ATG10: variants seen among roughly 807,000 people sequenced by gnomAD.
ATG10 encodes the protein ubiquitin-like-conjugating enzyme ATG10.
In ATG10, 30 loss-of-function variants were observed where a neutral mutation model predicts 32.1. The observed-to-expected ratio is 0.94, with a 90% confidence interval of 0.70 to 1.27. ATG10 has a LOEUF of 1.27. Among genes scored for constraint, ATG10 ranks in the 50% most tolerant of loss-of-function variants. ATG10 has a pLI of 0.00. For missense variants in ATG10, 233 were observed against 262.3 expected (o/e 0.89, Z 0.77); for synonymous variants, 87 against 91.5 (o/e 0.95, Z 0.28).
At chr5:82,242,792 T>C in intron 5 of ATG10, 1 of 447,410 alleles carries the variant, frequency 2.2e-6, no homozygotes, top group South Asian at 1.6e-5. Context: ...ATTTACTACC[T>C]ACAGATCTTC....
chr5:82,119,920 A>G (rs748582527), intron 3 of ATG10, among the ~76,000 whole-genome samples: 12 of 152,126 alleles, frequency 7.9e-5, no homozygotes, highest in Non-Finnish European at 1.8e-4. Context: ...CAACAACAAC[A>G]AACCCTTTTC....
chr5:81,992,431 A>C (rs1038963056), intron 2 of ATG10: 1 of 151,560 alleles, frequency 6.6e-6, no homozygotes, highest in Non-Finnish European at 1.5e-5. Flanking sequence ...TTTGAGACGA[A>C]GTCTCTGTCA....
At chr5:82,068,236 A>G (rs899272500) in intron 3 of ATG10, among the ~76,000 whole-genome samples, 25 of 152,150 alleles carry the variant, frequency 1.6e-4, no homozygotes, top group African/African-American at 5.1e-4. Context: ...GGATGAGTTC[A>G]TGTCCTTTGC....
In ATG10 at chr5:82,254,816, C is replaced by T. The variant is rs1369471585; in HGVS notation, c.*753C>T. On this transcript the variant is annotated 3_prime_UTR_variant, in exon 8 of 8. Transcript: ENST00000282185. ...AACTGGTGTTATAAACATGACCTAT[C>T]TTAAGTGATTTTCCCACAATCAAAC... 1.3e-5 allele frequency: 2 copies of T among 151,698 alleles called. No individual in the cohort carries two copies. Among genetic ancestry groups the T allele is most frequent in the Non-Finnish European group, 2.9e-5 (2 of 67,986 alleles). 9.4% of individuals were successfully genotyped at this position (151,698 alleles called of 1,614,324 possible).
chr5:81,993,340 T>TTCCTTCC (rs1761526269), intron 2 of ATG10, among the ~76,000 whole-genome samples: 2 of 42,820 alleles, frequency 4.7e-5, no homozygotes, highest in African/African-American at 2.0e-4. Context: ...TCCTTCCTTC[T>TTCCTTCC]TTCTTTCTTT....
intron 5 of ATG10, among the ~76,000 whole-genome samples, chr5:82,182,955 G>A (rs1744292227): frequency 6.6e-6 from 1 of 151,874 alleles, no homozygotes; most frequent in Non-Finnish European, 1.5e-5. Flanking sequence ...ATGTTCCCCA[G>A]GCTGCTCTTG....
chr5:82,130,283 G>C (rs926938793), intron 3 of ATG10, among the ~76,000 whole-genome samples: 1 of 152,124 alleles, frequency 6.6e-6, no homozygotes, highest in Non-Finnish European at 1.5e-5. Flanking sequence ...GCTGTGCTCC[G>C]TGGTGGTGGG....
At chr5:82,013,197 C>T (rs886928298) in intron 2 of ATG10, among the ~76,000 whole-genome samples, 5 of 152,066 alleles carry the variant, frequency 3.3e-5, no homozygotes, top group African/African-American at 4.8e-5. Context: ...GTGATCTGCC[C>T]GCCTTGGCCT....
rs543623201 is a variant in ATG10 at position 82,033,985 on chromosome 5, G to GTA, written c.109-24505_109-24504dup. The stretch of plus-strand genomic sequence containing the variant: ...ACATATATAGTATATATACATACAT[G>GTA]TATATAGTATATATGTATATATGTA... On this transcript the variant is annotated intron_variant, in intron 2 of 7. Transcript: ENST00000282185. 8.2e-5 allele frequency among the ~76,000 whole-genome samples: 12 copies of GTA among 145,548 alleles called. No homozygotes were observed. In the South Asian group the frequency reaches 2.6e-3, roughly 31 times the overall value.
At chr5:81,989,833 G>A (rs1251460137) in intron 2 of ATG10, among the ~76,000 whole-genome samples, 1 of 151,914 alleles carries the variant, frequency 6.6e-6, no homozygotes, top group Non-Finnish European at 1.5e-5. Context: ...CTTGTGATCT[G>A]CCTGCCTCGG....
intron 3 of ATG10, among the ~76,000 whole-genome samples, chr5:82,129,398 G>A (rs1349148788): frequency 6.6e-6 from 1 of 151,976 alleles, no homozygotes; most frequent in African/African-American, 2.4e-5. Flanking sequence ...GTGAGGAGTT[G>A]TGATTTTTTG....
At chr5:82,036,017 T>A (rs1222012164) in intron 2 of ATG10, among the ~76,000 whole-genome samples, 1 of 152,082 alleles carries the variant, frequency 6.6e-6, no homozygotes, top group Non-Finnish European at 1.5e-5. Flanking sequence ...TTCTTTTGTA[T>A]TTTCCCCTAC....
chr5:82,106,357 A>C (rs1765443886), intron 3 of ATG10, among the ~76,000 whole-genome samples: 1 of 152,124 alleles, frequency 6.6e-6, no homozygotes. Context: ...GGATCATAGC[A>C]GCTTGCTCAT....
chr5:82,006,468 A>T (rs755713014), intron 2 of ATG10, among the ~76,000 whole-genome samples: 2 of 152,196 alleles, frequency 1.3e-5, no homozygotes, highest in African/African-American at 2.4e-5. Context: ...ATATGAAGTG[A>T]TGTAATATAT....
At chr5:82,150,005 A>C (rs1331434166) in intron 3 of ATG10, among the ~76,000 whole-genome samples, 1 of 150,698 alleles carries the variant, frequency 6.6e-6, no homozygotes, top group Non-Finnish European at 1.5e-5. Flanking sequence ...ACAACTTTTA[A>C]TCCATTAAAA....
At chr5:82,207,921 G>T (rs1745361226) in intron 5 of ATG10, among the ~76,000 whole-genome samples, 1 of 152,100 alleles carries the variant, frequency 6.6e-6, no homozygotes, top group Non-Finnish European at 1.5e-5. Context: ...TTATTGGACA[G>T]ATTTGTTTTC....
intron 3 of ATG10, among the ~76,000 whole-genome samples, chr5:82,095,526 C>A (rs1765029838): frequency 6.6e-6 from 1 of 152,136 alleles, no homozygotes; most frequent in Non-Finnish European, 1.5e-5. Context: ...TCTCTGTATG[C>A]ACGCTGCCAT....
chr5:82,165,832 G>A (rs1327185326), intron 4 of ATG10, among the ~76,000 whole-genome samples: 1 of 152,170 alleles, frequency 6.6e-6, no homozygotes, highest in Non-Finnish European at 1.5e-5. Flanking sequence ...TCTTGGTTCT[G>A]GTTTGCAATG....
chr5:82,205,242 A>G (rs1745245183), intron 5 of ATG10, among the ~76,000 whole-genome samples: 1 of 152,228 alleles, frequency 6.6e-6, no homozygotes, highest in Non-Finnish European at 1.5e-5. Flanking sequence ...GTGAGTAAGC[A>G]GAATGTGGTT....
Sources: gnomAD v4.1 joint callset for allele counts (sites outside exome capture counted in the v4.1 genomes callset) on GRCh38, gnomAD v4.1.1 for gene constraint, MANE v1.5 for transcripts, NCBI Gene and HGNC (gene_info 2026-07-23, HGNC 2026-07-21) for gene names.